IFT122: variants seen among roughly 807,000 people sequenced by gnomAD.
IFT122 encodes intraflagellar transport protein 122 homolog.
Under a neutral mutation model 161.6 loss-of-function variants are expected in IFT122, and 118 were observed. The observed-to-expected ratio is 0.73, with a 90% confidence interval of 0.63 to 0.85. The LOEUF (loss-of-function observed/expected upper bound fraction) is 0.85, where lower values mean the gene tolerates loss of function less well. IFT122 is among the 40% of genes least tolerant of loss of function. The pLI, the probability that IFT122 is intolerant of heterozygous loss-of-function variation, is 0.00. For synonymous variants in IFT122, 550 were observed against 602.4 expected, an observed-to-expected ratio of 0.91 and a Z score of 1.27; for missense variants, 1,381 against 1,579.6, an observed-to-expected ratio of 0.87 and a Z score of 2.13.
chr3:129,499,802 T>A (rs1471870047), intron 18 of IFT122, 100 bp from the exon 19 acceptor site: 2 of 1,457,408 alleles, frequency 1.4e-6, no homozygotes, highest in African/African-American at 2.8e-5. Context: ...GTTGCCTGCT[T>A]CAGCCATGTG....
intron 19 of IFT122, 74 bp from the exon 20 acceptor site, chr3:129,502,637 A>G: frequency 6.4e-7 from 1 of 1,553,042 alleles, no homozygotes; most frequent in South Asian, 1.1e-5. Context: ...TGGGGACCAC[A>G]GAATGAATGG....
chr3:129,454,611 G>C (rs1442124405), intron 3 of IFT122, among the ~76,000 whole-genome samples: 1 of 151,208 alleles, frequency 6.6e-6, no homozygotes, highest in African/African-American at 2.4e-5. Flanking sequence ...TGAGGAGGGA[G>C]CCTGGAGAGC....
chr3:129,458,746 GAA>G, intron 4 of IFT122, 69 bp downstream of exon 4: 1 of 1,255,176 alleles, frequency 8.0e-7, no homozygotes, highest in South Asian at 1.2e-5. Flanking sequence ...AAGCCTCTTA[GAA>G]AAGATGTAGG....
intron 6 of IFT122, among the ~76,000 whole-genome samples, chr3:129,464,174 C>G (rs1412445224): frequency 7.9e-5 from 12 of 152,192 alleles, no homozygotes; most frequent in Non-Finnish European, 1.6e-4. Flanking sequence ...TAAATGGTAG[C>G]TATTCTTGCT....
chr3:129,496,154 C>T (rs1469665627), intron 18 of IFT122, among the ~76,000 whole-genome samples: 3 of 152,082 alleles, frequency 2.0e-5, no homozygotes, highest in Non-Finnish European at 4.4e-5. Context: ...AGAGTGGCTA[C>T]CATGTGGTTG....
chr3:129,489,006 A>G (rs1281042621), intron 16 of IFT122, among the ~76,000 whole-genome samples: 1 of 152,132 alleles, frequency 6.6e-6, no homozygotes, highest in African/African-American at 2.4e-5. Context: ...CTCTGCACAT[A>G]AGGAAAAGCC....
intron 8 of IFT122, 65 bp from the exon 9 acceptor site, chr3:129,469,277 C>A: frequency 7.3e-7 from 1 of 1,362,440 alleles, no homozygotes; most frequent in Non-Finnish European, 1.1e-6. Context: ...TTGTTTAAGC[C>A]CTTAGAGCTA....
At chr3:129,462,296 TA>T (rs556970717) in intron 5 of IFT122, among the ~76,000 whole-genome samples, 25 of 152,180 alleles carry the variant, frequency 1.6e-4, no homozygotes, top group Middle Eastern at 3.4e-3. Flanking sequence ...AAGGTGGGAT[TA>T]AAAAAAATAT....
chr3:129,513,805 C>T, intron 24 of IFT122: 1 of 204,238 alleles, frequency 4.9e-6, no homozygotes, highest in Non-Finnish European at 1.0e-5. Flanking sequence ...CTGGGGGCAG[C>T]CAACATCGGA....
intron 7 of IFT122, 77 bp downstream of exon 7, chr3:129,464,858 A>C: frequency 6.7e-7 from 1 of 1,501,684 alleles, no homozygotes; most frequent in Non-Finnish European, 9.3e-7. Flanking sequence ...AGGTCTCCCT[A>C]CATTCAAAGG....
chr3:129,467,120 C>G (rs1277593188), intron 8 of IFT122, 54 bp downstream of exon 8: 1 of 1,533,370 alleles, frequency 6.5e-7, no homozygotes, highest in African/African-American at 1.4e-5. Context: ...AGGCCCCACA[C>G]AGACTTGCCA....
chr3:129,504,767 A>G (rs2082014267), intron 21 of IFT122, among the ~76,000 whole-genome samples: 1 of 152,144 alleles, frequency 6.6e-6, no homozygotes, highest in Non-Finnish European at 1.5e-5. Context: ...TATGATTCCC[A>G]TTTTGCAGAT....
intron 23 of IFT122, among the ~76,000 whole-genome samples, chr3:129,510,551 A>T (rs1262235210): frequency 6.6e-6 from 1 of 152,198 alleles, no homozygotes; most frequent in East Asian, 1.9e-4. Context: ...GCTGGAAGTC[A>T]GGGCCCAGCT....
rs2084608850 is a variant in IFT122 at position 129,520,395 on chromosome 3, C to G, written c.*130C>G. 2.1e-5 allele frequency: 16 copies of G among 750,724 alleles called. No individual in the cohort carries two copies. In the South Asian group the frequency reaches 2.3e-4, roughly 11 times the overall value. The allele number at this position is 750,724 out of a possible 1,614,324, so 46.5% of individuals were successfully genotyped here. ...GAAGTTTGTGTTTTGTGGGGGGGGC[C>G]TTGTGTAACCACGGAATTCCTATTT... is the stretch of plus-strand genomic sequence containing the variant. On this transcript the variant is annotated 3_prime_UTR_variant, in exon 30 of 30. Coordinates refer to ENST00000348417, the MANE Select transcript of IFT122 (RefSeq NM_052989.3).
At chr3:129,451,851 A>G in intron 2 of IFT122, 63 bp from the exon 3 acceptor site, 2 of 1,352,844 alleles carry the variant, frequency 1.5e-6, no homozygotes, top group Non-Finnish European at 2.1e-6. Flanking sequence ...AGCAGTAGCA[A>G]CCCTGCAGGA....
chr3:129,493,985 C>G (rs1267752046), intron 17 of IFT122, among the ~76,000 whole-genome samples: 1 of 152,198 alleles, frequency 6.6e-6, no homozygotes, highest in Non-Finnish European at 1.5e-5. Flanking sequence ...GACTTATTTG[C>G]ACACATCTGG....
chr3:129,443,709 A>G (rs891072560), intron 1 of IFT122, among the ~76,000 whole-genome samples: 1 of 144,816 alleles, frequency 6.9e-6, no homozygotes, highest in Non-Finnish European at 1.5e-5. Context: ...CACAATGTAA[A>G]GAAGACTGTA....
intron 21 of IFT122, 84 bp downstream of exon 21, chr3:129,504,505 T>G (rs2081984981): frequency 1.9e-6 from 2 of 1,065,706 alleles, no homozygotes; most frequent in Non-Finnish European, 2.9e-6. Context: ...TACCAAGCCC[T>G]TCCCATCTGT....
chr3:129,473,543 A>G (rs767555500), intron 9 of IFT122, among the ~76,000 whole-genome samples: 2 of 152,094 alleles, frequency 1.3e-5, no homozygotes, highest in Non-Finnish European at 1.5e-5. Flanking sequence ...CAAAATCAAA[A>G]CTCCATGTTT....
Sources: allele counts gnomAD v4.1 joint callset (sites outside exome capture counted in the v4.1 genomes callset), GRCh38; gene constraint gnomAD v4.1.1; transcripts MANE v1.5; gene names NCBI Gene and HGNC (gene_info 2026-07-23, HGNC 2026-07-21).